Variants in CSMD1 observed in about 807,000 individuals in gnomAD.
The protein encoded by CSMD1 is CUB and Sushi multiple domains 1.
CSMD1 carries 213 observed loss-of-function variants against 417.5 expected under a neutral mutation model. The observed-to-expected ratio is 0.51, with a 90% confidence interval of 0.46 to 0.57. The LOEUF (loss-of-function observed/expected upper bound fraction) is 0.57. Among genes scored for constraint, CSMD1 ranks in the 20% least tolerant of loss-of-function variants. The pLI is 0.00. For missense variants in CSMD1, 6,923 were observed against 4,529.7 expected (o/e 1.53, Z -15.17); for synonymous variants, 2,862 against 1,736.8 (o/e 1.65, Z -16.11).
chr8:3,791,987 C>T (rs1009254908), intron 5 of CSMD1, among the ~76,000 whole-genome samples: 4 of 150,212 alleles, frequency 2.7e-5, no homozygotes, highest in Non-Finnish European at 4.5e-5. Context: ...TTGTTCTTTT[C>T]TGATTTCTAA....
intron 3 of CSMD1, among the ~76,000 whole-genome samples, chr8:4,127,273 T>C (rs1282716265): frequency 6.6e-6 from 1 of 151,852 alleles, no homozygotes; most frequent in African/African-American, 2.4e-5. Context: ...CTCCAGGTTA[T>C]TCTCATGCGG....
intron 4 of CSMD1, among the ~76,000 whole-genome samples, chr8:4,005,894 T>C (rs1816072292): frequency 1.3e-5 from 2 of 152,196 alleles, no homozygotes; most frequent in African/African-American, 4.8e-5. Context: ...CCAAAATCAC[T>C]GGGAATTGGC....
intron 2 of CSMD1, among the ~76,000 whole-genome samples, chr8:4,503,021 A>G (rs1802336780): frequency 6.6e-6 from 1 of 152,216 alleles, no homozygotes; most frequent in Non-Finnish European, 1.5e-5. Flanking sequence ...AGCTATCATA[A>G]TTGAAACGTT....
At chr8:3,697,080 G>C (rs965481603) in intron 7 of CSMD1, among the ~76,000 whole-genome samples, 10 of 152,132 alleles carry the variant, frequency 6.6e-5, no homozygotes, top group African/African-American at 1.9e-4. Context: ...CTGATGCCAT[G>C]AATAACTGCA....
At chr8:3,487,802 T>C (rs1159563455) in intron 11 of CSMD1, among the ~76,000 whole-genome samples, 1 of 152,144 alleles carries the variant, frequency 6.6e-6, no homozygotes, top group African/African-American at 2.4e-5. Flanking sequence ...TCCCATGGAA[T>C]ATTTTGTGAT....
intron 5 of CSMD1, among the ~76,000 whole-genome samples, chr8:3,948,662 A>C (rs774013775): frequency 2.4e-4 from 36 of 152,334 alleles, no homozygotes; most frequent in Admixed American, 7.8e-4. Context: ...TTCCTAAAGA[A>C]ATAATGGAAG....
intron 1 of CSMD1, among the ~76,000 whole-genome samples, chr8:4,822,224 A>C (rs1799563686): frequency 6.6e-6 from 1 of 152,076 alleles, no homozygotes; most frequent in African/African-American, 2.4e-5. Context: ...GGGGGTTTGC[A>C]ACTTACTTTC....
At chr8:3,332,910 C>G (rs1806998072) in intron 23 of CSMD1, among the ~76,000 whole-genome samples, 1 of 152,170 alleles carries the variant, frequency 6.6e-6, no homozygotes, top group African/African-American at 2.4e-5. Flanking sequence ...GCACCAGATG[C>G]CACGGAAGTG....
At chr8:3,645,365 C>T (rs931158871) in intron 7 of CSMD1, among the ~76,000 whole-genome samples, 2 of 152,216 alleles carry the variant, frequency 1.3e-5, no homozygotes, top group African/African-American at 2.4e-5. Flanking sequence ...GAGAAAAATG[C>T]TGTGATTAGC....
intron 2 of CSMD1, among the ~76,000 whole-genome samples, chr8:4,443,905 G>A (rs1375056658): frequency 1.3e-5 from 2 of 152,144 alleles, no homozygotes; most frequent in East Asian, 1.9e-4. Flanking sequence ...CACATCTACA[G>A]GAGTCCTCAT....
chr8:4,586,419 G>C (rs1221221840), intron 2 of CSMD1, among the ~76,000 whole-genome samples: 2 of 152,112 alleles, frequency 1.3e-5, no homozygotes, highest in Non-Finnish European at 2.9e-5. Flanking sequence ...ACCTGTTACA[G>C]ACTTAACCTG....
chr8:4,633,238 T>C (rs1342766101), intron 2 of CSMD1, among the ~76,000 whole-genome samples: 3 of 151,830 alleles, frequency 2.0e-5, no homozygotes, highest in Admixed American at 6.6e-5. Context: ...TGTTTTTTTA[T>C]GTGTTCGTTT....
intron 3 of CSMD1, among the ~76,000 whole-genome samples, chr8:4,371,069 G>C (rs1313390472): frequency 6.6e-6 from 1 of 152,170 alleles, no homozygotes; most frequent in Non-Finnish European, 1.5e-5. Flanking sequence ...ATTTCCCTTT[G>C]AAGTTACTGT....
intron 5 of CSMD1, among the ~76,000 whole-genome samples, chr8:3,890,761 C>T (rs368373407): frequency 4.3e-4 from 65 of 152,176 alleles, no homozygotes; most frequent in African/African-American, 1.3e-3. Context: ...GTTGTCTGTG[C>T]TAATGTTTGA....
intron 4 of CSMD1, among the ~76,000 whole-genome samples, chr8:4,025,077 T>G (rs962845791): frequency 3.3e-5 from 5 of 152,090 alleles, no homozygotes; most frequent in African/African-American, 1.2e-4. Flanking sequence ...AAAATAAGAT[T>G]CAGAATTGGA....
intron 2 of CSMD1, among the ~76,000 whole-genome samples, chr8:4,471,934 T>C (rs918496479): frequency 2.6e-5 from 4 of 152,088 alleles, no homozygotes; most frequent in Non-Finnish European, 5.9e-5. Context: ...ACAGGGACTT[T>C]ATAGAGGGTG....
At chr8:4,173,133 C>A (rs1346690756) in intron 3 of CSMD1, among the ~76,000 whole-genome samples, 1 of 152,072 alleles carries the variant, frequency 6.6e-6, no homozygotes, top group African/African-American at 2.4e-5. Context: ...TACAGTGCAA[C>A]AAGTATAGGG....
chr8:4,770,910 A>G (rs1478591345), intron 1 of CSMD1, among the ~76,000 whole-genome samples: 2 of 152,160 alleles, frequency 1.3e-5, no homozygotes, highest in South Asian at 4.1e-4. Flanking sequence ...GATTTCCCAT[A>G]TATCACACCA....
intron 10 of CSMD1, among the ~76,000 whole-genome samples, chr8:3,556,181 T>C (rs529839125): frequency 6.6e-6 from 1 of 151,920 alleles, no homozygotes; most frequent in Non-Finnish European, 1.5e-5. Context: ...TTTATAAACA[T>C]GTAACACTTA....
Sources: allele counts gnomAD v4.1 joint callset (sites outside exome capture counted in the v4.1 genomes callset), GRCh38; gene constraint gnomAD v4.1.1; transcripts MANE v1.5; gene names NCBI Gene and HGNC (gene_info 2026-07-23, HGNC 2026-07-21).